Variants in HADH observed in about 807,000 individuals in gnomAD.
The protein encoded by HADH is hydroxyacyl-coenzyme A dehydrogenase, mitochondrial.
Under a neutral mutation model 32.2 loss-of-function variants are expected in HADH, and 24 were observed. That is an observed-to-expected ratio of 0.75 (90% CI 0.54 to 1.05). The LOEUF (loss-of-function observed/expected upper bound fraction) is 1.05. HADH is among the 50% of genes least tolerant of loss of function. HADH has a pLI of 0.00. For synonymous variants in HADH, 139 were observed against 152.5 expected, an observed-to-expected ratio of 0.91 and a Z score of 0.65; for missense variants, 350 against 397.1, an observed-to-expected ratio of 0.88 and a Z score of 1.01.
At chr4:108,017,168 A>G (rs1334763633) in intron 3 of HADH, among the ~76,000 whole-genome samples, 1 of 152,202 alleles carries the variant, frequency 6.6e-6, no homozygotes, top group South Asian at 2.1e-4. Context: ...GTTCGATCCT[A>G]TAATGGGAGA....
chr4:108,026,620 G>A (rs1736077803), intron 5 of HADH: 1 of 152,240 alleles, frequency 6.6e-6, no homozygotes, highest in Admixed American at 6.5e-5. Context: ...AGGGTTAAAG[G>A]AGGTTCACAT....
In HADH at chr4:108,014,416, C is replaced by T. The variant is rs1447144017; in HGVS notation, c.262-15C>T. The T allele has an allele frequency of 1.9e-6, 3 of 1,613,904 alleles. No homozygotes were observed. The highest frequency in any genetic ancestry group is 2.5e-6 in the Non-Finnish European group (3 of 1,179,924). The stretch of plus-strand genomic sequence containing the variant: ...GAGCCCGGTGAATGTTCTCTTCTTC[C>T]TCCCACTGCATTAGGCCGGCGATGA... On this transcript the variant is annotated splice_polypyrimidine_tract_variant and intron_variant, in intron 2 of 7. Coordinates refer to ENST00000309522, the MANE Select transcript of HADH (RefSeq NM_005327.7).
intron 1 of HADH, among the ~76,000 whole-genome samples, chr4:108,002,899 G>A (rs1350501564): frequency 1.3e-5 from 2 of 152,168 alleles, no homozygotes; most frequent in African/African-American, 2.4e-5. Flanking sequence ...GAATAAAATA[G>A]CAGCTAACAA....
At chr4:108,021,532 T>C (rs901409199) in intron 4 of HADH, among the ~76,000 whole-genome samples, 1 of 152,212 alleles carries the variant, frequency 6.6e-6, no homozygotes, top group Non-Finnish European at 1.5e-5. Flanking sequence ...AATGTATATA[T>C]ATATGTATTT....
At chr4:108,021,469 A>C (rs1231206780) in intron 4 of HADH, among the ~76,000 whole-genome samples, 1 of 152,208 alleles carries the variant, frequency 6.6e-6, no homozygotes, top group Non-Finnish European at 1.5e-5. Context: ...GTACACCAAA[A>C]TAACTTGTAT....
chr4:108,001,768 C>T (rs542051792), intron 1 of HADH, among the ~76,000 whole-genome samples: 1 of 152,358 alleles, frequency 6.6e-6, no homozygotes, highest in South Asian at 2.1e-4. Context: ...TTCAAGATTG[C>T]ATCACACTAC....
intron 1 of HADH, among the ~76,000 whole-genome samples, chr4:107,993,014 G>A (rs1734858707): frequency 6.6e-6 from 1 of 152,200 alleles, no homozygotes; most frequent in Non-Finnish European, 1.5e-5. Flanking sequence ...TACTTGGAAG[G>A]CTGTGGCAGA....
chr4:108,028,263 A>G (rs1736133041), intron 6 of HADH: 2 of 179,608 alleles, frequency 1.1e-5, no homozygotes, highest in South Asian at 2.5e-4. Context: ...AACCTTAAGA[A>G]TGGTGTAAAC....
At chr4:107,993,664 G>A (rs897058014) in intron 1 of HADH, among the ~76,000 whole-genome samples, 6 of 152,112 alleles carry the variant, frequency 3.9e-5, no homozygotes, top group African/African-American at 1.4e-4. Context: ...CAGAGCACAG[G>A]CCATTTGTAC....
rs1301957077 is a variant in HADH at position 108,027,791 on chromosome 4, G to A, written c.709+31G>A. 5.4e-6 allele frequency: 7 copies of A among 1,306,962 alleles called. No individual in the cohort carries two copies. In the South Asian group the frequency reaches 5.9e-5, roughly 11 times the overall value. 81.0% of individuals were successfully genotyped at this position (1,306,962 alleles called of 1,614,324 possible). A position where few individuals can be genotyped will look rare whatever the true frequency, so the allele number is the denominator to read the frequency against. On this transcript the variant is annotated intron_variant, in intron 6 of 7. Coordinates refer to ENST00000309522, the MANE Select transcript of HADH (RefSeq NM_005327.7). ...CTTCTGACCCAGGCCAGGAGCAGCA[G>A]ACCTCAGCTCCTGGCGCCACTGTCT...
chr4:107,998,339 G>A (rs1161115278), intron 1 of HADH, among the ~76,000 whole-genome samples: 1 of 152,184 alleles, frequency 6.6e-6, no homozygotes, highest in East Asian at 1.9e-4. Flanking sequence ...GAGTGCAGAG[G>A]CGTGATCTTG....
intron 1 of HADH, among the ~76,000 whole-genome samples, chr4:107,994,134 G>A (rs1017628778): frequency 1.3e-5 from 2 of 152,106 alleles, no homozygotes; most frequent in Non-Finnish European, 2.9e-5. Context: ...CATGCTCTCC[G>A]GGTGCAACCT....
At chr4:108,016,549 A>C (rs1735701497) in intron 3 of HADH, among the ~76,000 whole-genome samples, 2 of 152,188 alleles carry the variant, frequency 1.3e-5, no homozygotes, top group Non-Finnish European at 2.9e-5. Context: ...TGGGATAATA[A>C]ACAGCCACCC....
chr4:108,009,628 G>A (rs1482979297), intron 1 of HADH, 131 bp from the exon 2 acceptor site: 32 of 754,106 alleles, frequency 4.2e-5, no homozygotes, highest in Admixed American at 1.0e-4. Context: ...ATGTTCACTC[G>A]GTATTTTGAA....
intron 5 of HADH, chr4:108,026,732 G>T (rs116471044): frequency 6.1e-4 from 93 of 152,314 alleles, no homozygotes; most frequent in African/African-American, 2.2e-3. Flanking sequence ...CCTGGTGTGT[G>T]CTAGAAACAG....
chr4:107,993,365 C>A (rs902713578), intron 1 of HADH, among the ~76,000 whole-genome samples: 63 of 152,076 alleles, frequency 4.1e-4, no homozygotes, highest in Non-Finnish European at 5.9e-5. Context: ...TTTAGTTACC[C>A]CCCATTTTAT....
At chr4:107,996,557 G>A (rs953793362) in intron 1 of HADH, among the ~76,000 whole-genome samples, 32 of 152,154 alleles carry the variant, frequency 2.1e-4, no homozygotes, top group Non-Finnish European at 4.3e-4. Flanking sequence ...TGTAAAATTC[G>A]AAGTCTAATA....
chr4:108,008,274 G>A (rs1307939978), intron 1 of HADH, among the ~76,000 whole-genome samples: 1 of 152,152 alleles, frequency 6.6e-6, no homozygotes, highest in Non-Finnish European at 1.5e-5. Context: ...ACGTTGCCCC[G>A]GTTGCCCAGT....
intron 1 of HADH, among the ~76,000 whole-genome samples, chr4:107,996,463 T>C (rs562243907): frequency 1.2e-4 from 18 of 152,234 alleles, no homozygotes; most frequent in Admixed American, 1.2e-3. Flanking sequence ...ACACACTTAC[T>C]GAATTAAAAA....
Sources: allele counts gnomAD v4.1 joint callset (sites outside exome capture counted in the v4.1 genomes callset), GRCh38; gene constraint gnomAD v4.1.1; transcripts MANE v1.5; gene names NCBI Gene and HGNC (gene_info 2026-07-23, HGNC 2026-07-21).